URB1: variants seen among roughly 807,000 people sequenced by gnomAD.
The protein encoded by URB1 is URB1 ribosome biogenesis factor, also known as nucleolar pre-ribosomal-associated protein 1.
URB1 carries 197 observed loss-of-function variants against 242.3 expected under a neutral mutation model. The observed-to-expected ratio is 0.81, with a 90% CI of 0.72 to 0.91. URB1 has a LOEUF of 0.91. Among genes scored for constraint, URB1 ranks in the 40% least tolerant of loss-of-function variants. URB1 has a pLI of 0.00. For missense variants in URB1, 2,721 were observed against 2,860.5 expected (o/e 0.95, Z 1.11); for synonymous variants, 1,153 against 1,201.8 (o/e 0.96, Z 0.84).
chr21:32,337,254 C>T (rs1209224723), intron 27 of URB1, 97 bp from the exon 28 acceptor site: 3 of 1,402,616 alleles, frequency 2.1e-6, no homozygotes, highest in Admixed American at 2.0e-5. Context: ...CTCAAATGGC[C>T]CGGTCCTCAT....
intron 32 of URB1, among the ~76,000 whole-genome samples, chr21:32,324,033 A>C (rs2032797902): frequency 6.6e-6 from 1 of 151,782 alleles, no homozygotes; most frequent in Non-Finnish European, 1.5e-5. Context: ...TCCGATCATC[A>C]CCCCATCTTA....
rs2032646726 is a variant in URB1, at chr21:32,314,497, T to C, written c.*421A>G. On this transcript the variant is annotated 3_prime_UTR_variant, in exon 39 of 39. Coordinates refer to ENST00000382751, the MANE Select transcript of URB1 (RefSeq NM_014825.3). ...ACCTCACCTGCTGAAAAATAAACTT[T>C]AAACATCTCTCTTCGTTTTCATAAA... 4 of 1,541,660 alleles carry C rather than the reference T, an allele frequency of 2.6e-6. No homozygotes were observed. Among genetic ancestry groups the C allele is most frequent in the Non-Finnish European group, 3.6e-6 (4 of 1,114,542 alleles).
chr21:32,353,221 G>A (rs997435855), intron 18 of URB1, among the ~76,000 whole-genome samples: 9 of 152,242 alleles, frequency 5.9e-5, no homozygotes, highest in African/African-American at 1.7e-4. Flanking sequence ...ACTGTGCCTC[G>A]GCACACAAGC....
intron 15 of URB1, among the ~76,000 whole-genome samples, chr21:32,356,061 G>A (rs1015215100): frequency 1.3e-5 from 2 of 152,158 alleles, no homozygotes; most frequent in Admixed American, 1.3e-4. Flanking sequence ...AGGGAAACAA[G>A]CAAATCATTC....
intron 18 of URB1, among the ~76,000 whole-genome samples, chr21:32,353,433 G>C (rs1214208050): frequency 6.6e-6 from 1 of 152,128 alleles, no homozygotes; most frequent in South Asian, 2.1e-4. Context: ...AGAGCCACCT[G>C]GCCTGTATTG....
At chr21:32,386,186 C>A (rs2033582374) in intron 1 of URB1, among the ~76,000 whole-genome samples, 1 of 151,672 alleles carries the variant, frequency 6.6e-6, no homozygotes, top group African/African-American at 2.4e-5. Flanking sequence ...AAACCCTAAG[C>A]CCTAAAAAGA....
intron 3 of URB1, among the ~76,000 whole-genome samples, chr21:32,383,990 G>A (rs1232857696): frequency 6.6e-6 from 1 of 152,202 alleles, no homozygotes; most frequent in Non-Finnish European, 1.5e-5. Context: ...TGTTCTAGGT[G>A]CTGGGAAGGT....
In URB1 at chr21:32,337,097, A is replaced by G. The variant is rs2032968014; in HGVS notation, c.4682T>C (p.Phe1561Ser). 9.0e-6 allele frequency: 14 copies of G among 1,551,830 alleles called. No homozygotes were observed. The highest frequency in any genetic ancestry group is 1.2e-5 in the Non-Finnish European group (14 of 1,146,994). The stretch of plus-strand genomic sequence containing the variant: ...CTACCTCTAGCCCAACACTCACCTG[A>G]AGTTGATGAGGCTGAGCTTGTTCTG... ...YEQNKLSLIN[F>S]RVLLWGPAAV... The change falls in exon 28 of 39, where the codon TTC (phenylalanine) becomes TCC (serine). Residue 1561 changes from phenylalanine to serine, a missense_variant. Transcript: ENST00000382751.
Position 32,315,033 on chromosome 21 carries a change from G to A in URB1, c.6701C>T (p.Thr2234Ile), listed in dbSNP as rs760116637. ...DIWLGAQRPD[T>I]LLTHVRMVCE... ...CACCATCCGGACGTGGGTTAAGAGG[G>A]TGTCCGGCCGCTGAGCCCCCAGCCA... Residue 2234 changes from threonine (T) to isoleucine (I), a missense_variant, in exon 39 of 39, where the codon ACC (threonine) becomes ATC (isoleucine). Physicochemically the swap from Thr to Ile is moderately conservative, Grantham distance 89. Transcript: ENST00000382751. 91 of 1,550,944 alleles carry A rather than the reference G, an allele frequency of 5.9e-5. No individual in the cohort carries two copies. Among genetic ancestry groups the A allele is most frequent in the East Asian group, 4.4e-4 (18 of 40,918 alleles).
In URB1 at chr21:32,319,265, A is replaced by G. The variant is rs1362352425; in HGVS notation, c.5744T>C (p.Leu1915Pro). Residue 1915 changes from leucine to proline, a missense_variant, in exon 36 of 39, where the codon CTG becomes CCG. Transcript: ENST00000382751. The stretch of plus-strand genomic sequence containing the variant: ...GAGAACATAAAGGAACTCATTGACC[A>G]GGTGCAGGGCAAGCCGCTTGGCAGG... ...QEPAKRLALH[L>P]VNEFLYVLIV... The G allele has an allele frequency of 6.4e-7, 1 of 1,551,326 alleles. No individual in the cohort carries two copies. Among genetic ancestry groups the G allele is most frequent in the Non-Finnish European group, 8.7e-7 (1 of 1,146,780 alleles).
intron 4 of URB1, among the ~76,000 whole-genome samples, chr21:32,383,148 C>T (rs1191061224): frequency 6.6e-6 from 1 of 152,186 alleles, no homozygotes; most frequent in East Asian, 1.9e-4. Flanking sequence ...CTAAGTCATC[C>T]TCACAACCAG....
intron 30 of URB1, among the ~76,000 whole-genome samples, chr21:32,327,628 C>T (rs1174422466): frequency 3.9e-5 from 6 of 152,150 alleles, no homozygotes; most frequent in Admixed American, 6.5e-5. Flanking sequence ...AATATTTACA[C>T]TTCTTTTAGA....
At chr21:32,316,297 T>C (rs375361652) in intron 38 of URB1, among the ~76,000 whole-genome samples, 169 bp downstream of exon 38, 23 of 152,340 alleles carry the variant, frequency 1.5e-4, no homozygotes, top group African/African-American at 5.5e-4. Flanking sequence ...CACTGCCCAG[T>C]GGCAAGCTCT....
In URB1 at chr21:32,366,781, G is replaced by A. The variant is rs569211673; in HGVS notation, c.1198-26C>T. ...CTAGGAAAAGCAAAAAAGAGATTTA[G>A]GTGGTGCTAGAAGTAAGTTTCAAAC... On this transcript the variant is annotated intron_variant, in intron 9 of 38. Transcript: ENST00000382751. 7.5e-5 allele frequency: 116 copies of A among 1,550,054 alleles called. No homozygotes were observed. The African/African-American group carries it at 1.4e-3, about 18-fold the overall frequency.
Position 32,334,897 on chromosome 21 carries a change from T to C in URB1, c.4686-563A>G, listed in dbSNP as rs553119984. ...ACCATGTGTGTGCTATGGACAACCTTCATACCTCAACCGCCACCACAGCTG... is the reference window on the plus strand; with the variant it reads ...ACCATGTGTGTGCTATGGACAACCTCCATACCTCAACCGCCACCACAGCTG... On this transcript the variant is annotated intron_variant, in intron 28 of 38. Coordinates refer to ENST00000382751, the MANE Select transcript of URB1 (RefSeq NM_014825.3). Among the ~76,000 whole-genome samples, 101 of 152,212 alleles carry C rather than the reference T, an allele frequency of 6.6e-4. 5 individuals are homozygous for C. In the South Asian group the frequency reaches 0.021, roughly 32 times the overall value.
chr21:32,322,600 G>C lies in URB1; in HGVS notation c.5234-16C>G. 1 of 1,541,716 alleles carries C rather than the reference G, an allele frequency of 6.5e-7. No homozygotes were observed. The highest frequency in any genetic ancestry group is 8.8e-7 in the Non-Finnish European group (1 of 1,138,204). Reference sequence around the variant, plus strand: ...ATGTGCTCCTCTGAGAACACAGGCAGTCAGTCAGTCATGGCAGGCCCCAGC... The same window carrying C: ...ATGTGCTCCTCTGAGAACACAGGCACTCAGTCAGTCATGGCAGGCCCCAGC... On this transcript the variant is annotated splice_polypyrimidine_tract_variant and intron_variant, in intron 32 of 38. Transcript: ENST00000382751.
At chr21:32,335,399 T>A (rs1411243464) in intron 28 of URB1, 1 of 152,278 alleles carries the variant, frequency 6.6e-6, no homozygotes, top group East Asian at 1.9e-4. Context: ...TCACGGGGCG[T>A]GAGTCAGCTG....
In URB1 at chr21:32,314,416, C is replaced by T; in HGVS notation, c.*502G>A. 1.4e-6 allele frequency: 1 copy of T among 740,362 alleles called. No individual in the cohort carries two copies. The highest frequency in any genetic ancestry group is 2.4e-6 in the Non-Finnish European group (1 of 415,580). The allele number at this position is 740,362 out of a possible 1,614,324, so 45.9% of individuals were successfully genotyped here. A position where few individuals can be genotyped will look rare whatever the true frequency, so the allele number is the denominator to read the frequency against. On this transcript the variant is annotated 3_prime_UTR_variant, in exon 39 of 39. Coordinates refer to ENST00000382751, the MANE Select transcript of URB1 (RefSeq NM_014825.3). ...GGAAGGCTGGTTTCGAACTCCTGAC[C>T]TCAGGTGATTCACCCGCCTTGGCCT...
At chr21:32,340,427 C>T (rs1413428557) in intron 25 of URB1, among the ~76,000 whole-genome samples, 2 of 152,130 alleles carry the variant, frequency 1.3e-5, no homozygotes, top group African/African-American at 4.8e-5. Flanking sequence ...GCCTGCCCAA[C>T]ATGGTGAAAC....
Sources: allele counts gnomAD v4.1 joint callset (sites outside exome capture counted in the v4.1 genomes callset), GRCh38; gene constraint gnomAD v4.1.1; transcripts MANE v1.5; gene names NCBI Gene and HGNC (gene_info 2026-07-23, HGNC 2026-07-21).